The following EXOC4 variants were observed in gnomAD, a reference collection of about 807,000 sequenced individuals.
EXOC4 encodes SEC8-like 1.
A neutral mutation model predicts 107.2 loss-of-function variants in EXOC4; 71 were observed. The ratio of observed to expected loss-of-function variants is 0.66; its 90% CI spans 0.55 to 0.81. The LOEUF is 0.81. Among genes scored for constraint, EXOC4 ranks in the 30% least tolerant of loss-of-function variants. EXOC4 has a pLI of 0.00. For synonymous variants in EXOC4, 456 were observed against 441.2 expected (o/e 1.03, Z -0.42); for missense variants, 1,108 against 1,189.6 (o/e 0.93, Z 1.01).
At chr7:133,986,622 C>A (rs1030047900) in intron 14 of EXOC4, among the ~76,000 whole-genome samples, 4 of 152,184 alleles carry the variant, frequency 2.6e-5, no homozygotes, top group African/African-American at 9.7e-5. Context: ...GTGAAGATCA[C>A]CCCTCTGTTC....
chr7:133,613,285 T>A (rs574870297), intron 9 of EXOC4, among the ~76,000 whole-genome samples: 69 of 152,306 alleles, frequency 4.5e-4, no homozygotes, highest in Middle Eastern at 3.4e-3. Context: ...TGTTAAATCA[T>A]AACTGCATAA....
At chr7:133,606,253 C>A (rs180984112) in intron 9 of EXOC4, among the ~76,000 whole-genome samples, 1 of 152,152 alleles carries the variant, frequency 6.6e-6, no homozygotes, top group Admixed American at 6.5e-5. Flanking sequence ...TACCTCATTC[C>A]TGTAAGCTAC....
At chr7:133,381,252 A>G (rs560908630) in intron 7 of EXOC4, among the ~76,000 whole-genome samples, 13 of 50,634 alleles carry the variant, frequency 2.6e-4, no homozygotes, top group Non-Finnish European at 3.6e-4. Flanking sequence ...CTTTCAGGTT[A>G]TACAGTACTG....
chr7:133,313,920 C>T (rs1020416527), intron 4 of EXOC4, among the ~76,000 whole-genome samples: 1 of 152,126 alleles, frequency 6.6e-6, no homozygotes, highest in Non-Finnish European at 1.5e-5. Flanking sequence ...GCAGGGATTA[C>T]TGTACATCAG....
In EXOC4 at chr7:133,850,643, CA is replaced by C. The variant is rs969780500; in HGVS notation, c.1734+33100del. ...AAAGGTTATCTAGGTTACCCCCCCA[CA>C]CACACACACACCCATGTCAAAATCC... On this transcript the variant is annotated intron_variant, in intron 11 of 17. Coordinates refer to ENST00000253861, the MANE Select transcript of EXOC4 (RefSeq NM_021807.4). Among the ~76,000 whole-genome samples, 354 of 149,530 alleles carry C rather than the reference CA, an allele frequency of 2.4e-3. 4 individuals are homozygous for C. Among genetic ancestry groups the C allele is most frequent in the African/African-American group, 8.1e-3 (331 of 40,984 alleles).
chr7:133,512,716 C>T (rs552419766), intron 9 of EXOC4, among the ~76,000 whole-genome samples: 8 of 152,262 alleles, frequency 5.3e-5, no homozygotes, highest in African/African-American at 1.7e-4. Flanking sequence ...GGTCATTCTG[C>T]GCTGTGGTTA....
intron 10 of EXOC4, among the ~76,000 whole-genome samples, chr7:133,714,055 G>GTC (rs1794950003): frequency 6.6e-6 from 1 of 152,190 alleles, no homozygotes; most frequent in Non-Finnish European, 1.5e-5. Flanking sequence ...AGCCTTGGAT[G>GTC]TGGGCACAAC....
At chr7:133,605,952 GA>G (rs1158846341) in intron 9 of EXOC4, among the ~76,000 whole-genome samples, 1 of 152,106 alleles carries the variant, frequency 6.6e-6, no homozygotes, top group Non-Finnish European at 1.5e-5. Flanking sequence ...GTCAGGAGGA[GA>G]ATCAAGACAG....
At chr7:133,630,375 G>A (rs1429443269) in intron 10 of EXOC4, among the ~76,000 whole-genome samples, 2 of 151,560 alleles carry the variant, frequency 1.3e-5, no homozygotes, top group African/African-American at 4.9e-5. Flanking sequence ...TTTCACACTC[G>A]CTACCTCTGT....
chr7:133,603,229 G>A (rs1801848921), intron 9 of EXOC4, among the ~76,000 whole-genome samples: 1 of 152,102 alleles, frequency 6.6e-6, no homozygotes, highest in Admixed American at 6.6e-5. Context: ...CTGTATTTTA[G>A]ACTCTTTGTT....
At chr7:133,879,699 G>A (rs1310436574) in intron 11 of EXOC4, among the ~76,000 whole-genome samples, 2 of 152,132 alleles carry the variant, frequency 1.3e-5, no homozygotes, top group Admixed American at 6.5e-5. Context: ...GGGACTCACA[G>A]AGCTGGATTC....
chr7:133,435,233 G>A (rs892422397), intron 7 of EXOC4, among the ~76,000 whole-genome samples: 2 of 152,026 alleles, frequency 1.3e-5, no homozygotes, highest in African/African-American at 4.8e-5. Context: ...AGGTCATCTT[G>A]TCACATGTGA....
chr7:134,033,978 A>G (rs1231531798), intron 17 of EXOC4, among the ~76,000 whole-genome samples: 1 of 152,220 alleles, frequency 6.6e-6, no homozygotes, highest in Non-Finnish European at 1.5e-5. Flanking sequence ...AGACTTGGAA[A>G]GTTGACTTTT....
intron 13 of EXOC4, among the ~76,000 whole-genome samples, chr7:133,930,276 A>G (rs1800147904): frequency 6.6e-6 from 1 of 152,190 alleles, no homozygotes; most frequent in African/African-American, 2.4e-5. Flanking sequence ...CTAGCGCCTA[A>G]AGAAAAAACA....
chr7:133,359,191 A>C (rs1796086954), intron 6 of EXOC4, among the ~76,000 whole-genome samples: 1 of 152,190 alleles, frequency 6.6e-6, no homozygotes, highest in Non-Finnish European at 1.5e-5. Flanking sequence ...AGGACTGATA[A>C]TTTTGAGCTA....
At chr7:134,089,433 C>T in the EXOC4 span, among the ~76,000 whole-genome samples, 1 of 152,116 alleles carries the variant, frequency 6.6e-6, no homozygotes, top group Admixed American at 6.5e-5. Context: ...TGGTGAAAAG[C>T]CTTGTTAGTA....
chr7:133,554,896 G>T (rs1800663286), intron 9 of EXOC4, among the ~76,000 whole-genome samples: 1 of 152,144 alleles, frequency 6.6e-6, no homozygotes, highest in African/African-American at 2.4e-5. Flanking sequence ...TTAAAAGATG[G>T]ATTAACGATT....
intron 7 of EXOC4, among the ~76,000 whole-genome samples, chr7:133,425,682 C>G (rs1026078407): frequency 6.6e-6 from 1 of 152,168 alleles, no homozygotes; most frequent in Non-Finnish European, 1.5e-5. Flanking sequence ...CCAGCATTAA[C>G]ATCAACACAG....
intron 9 of EXOC4, among the ~76,000 whole-genome samples, chr7:133,513,898 C>T (rs556098456): frequency 6.6e-6 from 1 of 152,084 alleles, no homozygotes; most frequent in Non-Finnish European, 1.5e-5. Flanking sequence ...CTCCAATTTG[C>T]CGGACAGTAA....
Sources: allele counts gnomAD v4.1 joint callset (sites outside exome capture counted in the v4.1 genomes callset), GRCh38; gene constraint gnomAD v4.1.1; transcripts MANE v1.5; gene names NCBI Gene and HGNC (gene_info 2026-07-23, HGNC 2026-07-21).